ROCK1: variants seen among roughly 807,000 people sequenced by gnomAD.
The protein encoded by ROCK1 is rho-associated protein kinase 1.
ROCK1 carries 36 observed loss-of-function variants against 196.8 expected under a neutral mutation model. That is an observed-to-expected ratio of 0.18 (90% CI 0.14 to 0.24). ROCK1 has a LOEUF of 0.24. Among genes scored for constraint, ROCK1 ranks in the 10% least tolerant of loss-of-function variants. ROCK1 has a pLI of 1.00. For missense variants in ROCK1, 920 were observed against 1,562.0 expected, an observed-to-expected ratio of 0.59 and a Z score of 6.93; for synonymous variants, 443 against 515.9, an observed-to-expected ratio of 0.86 and a Z score of 1.91.
intron 6 of ROCK1, among the ~76,000 whole-genome samples, chr18:21,043,807 C>G (rs1568392866): frequency 6.6e-6 from 1 of 151,824 alleles, no homozygotes; most frequent in Non-Finnish European, 1.5e-5. Context: ...GACATTTAAG[C>G]TAATTCCATT....
rs1424968636 is a variant in ROCK1, at chr18:20,967,879, G to T, written c.3065C>A (p.Ala1022Asp). ...RKDFKIDRKK[A>D]NTQDLRKKEK... ...TTTCTTTCTCAAATCTTGTGTATTA[G>T]CTTTCTTTCTATCAATTTTAAAATC... The change falls in exon 26 of 33, where the codon GCT becomes GAT. Residue 1022 changes from alanine to aspartate, a missense_variant. Around this residue, in one of 6 missense-constraint regions of ROCK1, gnomAD observed 116 missense variants for 204.2 expected, o/e 0.57. Transcript: ENST00000399799. 3 of 1,595,264 alleles carry T rather than the reference G, an allele frequency of 1.9e-6. No homozygotes were observed. The highest frequency in any genetic ancestry group is 2.6e-6 in the Non-Finnish European group (3 of 1,169,368).
chr18:21,063,660 C>T (rs538731623), intron 2 of ROCK1, among the ~76,000 whole-genome samples: 2 of 152,172 alleles, frequency 1.3e-5, no homozygotes, highest in Non-Finnish European at 2.9e-5. Context: ...ATTTACTATT[C>T]AAAAAGAATC....
In ROCK1 at chr18:21,018,179, A is replaced by C. The variant is rs554664113; in HGVS notation, c.1361+1972T>G. Among the ~76,000 whole-genome samples the C allele has an allele frequency of 4.3e-4, 66 of 151,916 alleles. 2 individuals carry two copies. The East Asian group carries it at 0.012, about 28-fold the overall frequency. ...TTCAGCCATTCTTATTACTTCCTCA[A>C]ACTGATCCCTACTCACCATTACTAC... On this transcript the variant is annotated intron_variant, in intron 12 of 32. Transcript: ENST00000399799.
At chr18:21,037,410 C>T (rs1016845391) in intron 9 of ROCK1, among the ~76,000 whole-genome samples, 3 of 151,496 alleles carry the variant, frequency 2.0e-5, no homozygotes, top group African/African-American at 7.3e-5. Flanking sequence ...AAAATGGAAA[C>T]CCAAAAAAAT....
chr18:21,073,503 G>T (rs1380652881), intron 1 of ROCK1, among the ~76,000 whole-genome samples: 2 of 152,002 alleles, frequency 1.3e-5, no homozygotes, highest in East Asian at 1.9e-4. Context: ...ATATGAGTCA[G>T]GTGTAAAACA....
At chr18:21,075,725 T>C (rs551722309) in intron 1 of ROCK1, among the ~76,000 whole-genome samples, 2 of 151,536 alleles carry the variant, frequency 1.3e-5, no homozygotes, top group African/African-American at 4.8e-5. Context: ...AGGCCGAGGC[T>C]GGTGGATCAC....
intron 2 of ROCK1, among the ~76,000 whole-genome samples, chr18:21,052,576 T>C (rs2036212463): frequency 6.6e-6 from 1 of 152,120 alleles, no homozygotes; most frequent in South Asian, 2.1e-4. Context: ...TATTAGGAAC[T>C]GGGCCACACA....
At chr18:20,968,211 A>G (rs2035392296) in intron 25 of ROCK1, among the ~76,000 whole-genome samples, 2 of 152,236 alleles carry the variant, frequency 1.3e-5, no homozygotes, top group Admixed American at 1.3e-4. Flanking sequence ...GATGTTGGGT[A>G]CTAGCAAATA....
intron 22 of ROCK1, among the ~76,000 whole-genome samples, chr18:20,974,675 G>T (rs1265059841): frequency 6.6e-6 from 1 of 152,034 alleles, no homozygotes; most frequent in Non-Finnish European, 1.5e-5. Context: ...CCTCTTAAAA[G>T]AATTCAATAA....
chr18:21,043,584 A>G (rs145209181), intron 6 of ROCK1, among the ~76,000 whole-genome samples: 2,803 of 147,250 alleles, frequency 0.019, 44 homozygotes, highest in Non-Finnish European at 0.032. Flanking sequence ...ATGTATATGT[A>G]TATACATATA....
At chr18:21,052,254 T>A (rs1213840672) in intron 2 of ROCK1, among the ~76,000 whole-genome samples, 1 of 152,180 alleles carries the variant, frequency 6.6e-6, no homozygotes, top group African/African-American at 2.4e-5. Context: ...GATTCTATGG[T>A]TCTACTTTTC....
At chr18:21,096,004 TAA>T (rs1173964260) in intron 1 of ROCK1, among the ~76,000 whole-genome samples, 16 of 149,598 alleles carry the variant, frequency 1.1e-4, no homozygotes, top group African/African-American at 3.7e-4. Context: ...AAAAAAAAAA[TAA>T]GAGTAGAATC....
At position 20,965,248 on chromosome 18, in the gene ROCK1, G is replaced by A. The variant is rs141199723; in HGVS notation, c.3352+1669C>T. On this transcript the variant is annotated intron_variant, in intron 27 of 32. Transcript: ENST00000399799. Reference sequence around the variant, plus strand: ...CTACAAAAAATTAAAAAAATTAGCCGGGTGTGGTGATGTGCACCTGTAGTC... The same window carrying A: ...CTACAAAAAATTAAAAAAATTAGCCAGGTGTGGTGATGTGCACCTGTAGTC... Among the ~76,000 whole-genome samples the A allele has an allele frequency of 9.7e-3, 1,479 of 152,042 alleles. 18 individuals carry two copies. Among genetic ancestry groups the A allele is most frequent in the African/African-American group, 0.034 (1,421 of 41,444 alleles).
At chr18:21,105,381 T>C (rs1169545097) in intron 1 of ROCK1, among the ~76,000 whole-genome samples, 2 of 152,206 alleles carry the variant, frequency 1.3e-5, no homozygotes, top group Admixed American at 6.5e-5. Context: ...TAACCAGATA[T>C]GCAATTGATA....
chr18:21,024,073 T>C (rs2035936813), intron 10 of ROCK1, among the ~76,000 whole-genome samples: 1 of 152,156 alleles, frequency 6.6e-6, no homozygotes, highest in African/African-American at 2.4e-5. Context: ...TCAGAGCTTT[T>C]TGTATATAAG....
At chr18:21,105,314 G>GT (rs2036694289) in intron 1 of ROCK1, among the ~76,000 whole-genome samples, 1 of 152,058 alleles carries the variant, frequency 6.6e-6, no homozygotes, top group African/African-American at 2.4e-5. Context: ...AGAGTAACTT[G>GT]TTTTTTTAAA....
chr18:20,962,258 G>C (rs958588343), intron 27 of ROCK1, among the ~76,000 whole-genome samples: 2 of 152,090 alleles, frequency 1.3e-5, no homozygotes, highest in African/African-American at 4.8e-5. Context: ...AAAAGTTATT[G>C]CCAGAAATTT....
intron 18 of ROCK1, among the ~76,000 whole-genome samples, chr18:20,990,432 C>T (rs929027283): frequency 3.3e-5 from 5 of 151,688 alleles, no homozygotes; most frequent in African/African-American, 1.2e-4. Flanking sequence ...GAAAGCATTG[C>T]CAGGCATGGT....
intron 13 of ROCK1, among the ~76,000 whole-genome samples, chr18:21,008,629 G>A (rs1280900318): frequency 6.6e-6 from 1 of 152,138 alleles, no homozygotes; most frequent in African/African-American, 2.4e-5. Context: ...ACCACTATCA[G>A]TAAATCTTGT....
Sources: allele counts gnomAD v4.1 joint callset (sites outside exome capture counted in the v4.1 genomes callset), GRCh38; gene constraint gnomAD v4.1.1; regional missense constraint gnomAD v4.1.1; transcripts MANE v1.5; gene names NCBI Gene and HGNC (gene_info 2026-07-23, HGNC 2026-07-21).